The following KCNH6 variants were observed in gnomAD, a reference collection of about 807,000 sequenced individuals.
The protein encoded by KCNH6 is voltage-gated inwardly rectifying potassium channel KCNH6.
Under a neutral mutation model 83.4 loss-of-function variants are expected in KCNH6, and 81 were observed. That is an observed-to-expected ratio of 0.97 (90% CI 0.81 to 1.17). The LOEUF (loss-of-function observed/expected upper bound fraction) is 1.17. Ranked by LOEUF, KCNH6 falls within the 50% of genes most tolerant of loss-of-function variation. KCNH6 has a pLI of 0.00. For missense variants in KCNH6, 1,203 were observed against 1,290.5 expected (o/e 0.93, Z 1.04); for synonymous variants, 503 against 545.6 (o/e 0.92, Z 1.09).
chr17:63,535,813 G>A lies in KCNH6; in HGVS notation c.1246G>A (p.Ala416Thr), dbSNP rs777585947. 1 of 1,614,226 alleles carries A rather than the reference G, an allele frequency of 6.2e-7. No homozygotes were observed. The highest frequency in any genetic ancestry group is 8.5e-7 in the Non-Finnish European group (1 of 1,180,052). The change falls in exon 6 of 13, where the codon GCC (alanine) becomes ACC (threonine). Residue 416 changes from alanine (A) to threonine (T), a missense_variant. By Grantham distance (58) the Ala-to-Thr change is moderately conservative. Transcript: ENST00000314672. The surrounding 1 kb of genome is among the most constrained non-coding windows in gnomAD (Gnocchi z 4.9). The stretch of plus-strand genomic sequence containing the variant: ...CTTCGCGCTCATAGCGCACTGGCTG[G>A]CCTGCATCTGGTACGCCATCGGCAA... ...CTFALIAHWL[A>T]CIWYAIGNVE...
intron 2 of KCNH6, among the ~76,000 whole-genome samples, chr17:63,528,876 C>A (rs1351676604): frequency 6.7e-6 from 1 of 148,696 alleles, no homozygotes; most frequent in Non-Finnish European, 1.5e-5. Flanking sequence ...GCTCTGTCAC[C>A]CAGGCTGGAG....
At position 63,535,570 on chromosome 17, in the gene KCNH6, A is replaced by G; in HGVS notation, c.1102-99A>G. ...GAAGTTCTCCATAAATGTTTGTTGA[A>G]TGAGTATGTGGTTGTATGCATGAGT... is the stretch of plus-strand genomic sequence containing the variant. On this transcript the variant is annotated intron_variant, in intron 5 of 12. Transcript: ENST00000314672. The surrounding 1 kb of genome is among the most constrained non-coding windows in gnomAD (Gnocchi z 4.9). 8.8e-7 allele frequency: 1 copy of G among 1,141,758 alleles called. No individual in the cohort carries two copies. Among genetic ancestry groups the G allele is most frequent in the Non-Finnish European group, 1.2e-6 (1 of 802,330 alleles). 70.7% of individuals were successfully genotyped at this position (1,141,758 alleles called of 1,614,324 possible). A position where few individuals can be genotyped will look rare whatever the true frequency, so the allele number is the denominator to read the frequency against.
rs769507112 is a variant in KCNH6, at chr17:63,533,836, C to T, written c.676-50C>T. The T allele has an allele frequency of 1.3e-6, 2 of 1,562,900 alleles. No individual in the cohort carries two copies. On this transcript the variant is annotated intron_variant, in intron 4 of 12. Coordinates refer to ENST00000314672, the MANE Select transcript of KCNH6 (RefSeq NM_001278919.2). The surrounding 1 kb of genome is among the most constrained non-coding windows in gnomAD (Gnocchi z 4.1). Reference sequence around the variant, plus strand: ...AGGCCTCAGCCCTCTAGGCCAGTCTCACCAGCAGTGGCTGCCCCGTGCCTG... The same window carrying T: ...AGGCCTCAGCCCTCTAGGCCAGTCTTACCAGCAGTGGCTGCCCCGTGCCTG...
chr17:63,530,664 T>A, intron 4 of KCNH6, 122 bp downstream of exon 4: 1 of 850,878 alleles, frequency 1.2e-6, no homozygotes, highest in Non-Finnish European at 1.8e-6. Context: ...GTCCAGCCTC[T>A]AATATCTGGT....
intron 10 of KCNH6, 83 bp from the exon 11 acceptor site, chr17:63,544,166 G>C: frequency 6.9e-6 from 11 of 1,603,572 alleles, no homozygotes; most frequent in Non-Finnish European, 9.4e-6. Context: ...GGCAGGTAGG[G>C]GGTGGGGGAC....
rs117657537 is a variant in KCNH6 at position 63,528,634 on chromosome 17, G to A, written c.308-1457G>A. Among the ~76,000 whole-genome samples the A allele has an allele frequency of 8.8e-3, 1,339 of 152,264 alleles. 10 individuals carry two copies. Among genetic ancestry groups the A allele is most frequent in the Admixed American group, 0.021 (320 of 15,300 alleles). Reference sequence around the variant, plus strand: ...AGTCAACAAACAACACCTGGGACAGGTGAAACAGAGCCTAACCTGCCCTCA... The same window carrying A: ...AGTCAACAAACAACACCTGGGACAGATGAAACAGAGCCTAACCTGCCCTCA... On this transcript the variant is annotated intron_variant, in intron 2 of 12. Coordinates refer to ENST00000314672, the MANE Select transcript of KCNH6 (RefSeq NM_001278919.2).
chr17:63,544,427 T>A lies in KCNH6; in HGVS notation c.2396+16T>A. 5 of 1,526,986 alleles carry A rather than the reference T, an allele frequency of 3.3e-6. No homozygotes were observed. Among genetic ancestry groups the A allele is most frequent in the African/African-American group, 1.4e-5 (1 of 72,134 alleles). The allele number at this position is 1,526,986 out of a possible 1,614,324, so 94.6% of individuals were successfully genotyped here. A position where few individuals can be genotyped will look rare whatever the true frequency, so the allele number is the denominator to read the frequency against. ...AGATGAACAGGTGTGTGTGCTGTGG[T>A]CAGGGCTGGGGGCTGGTCATGGGTA... is the stretch of plus-strand genomic sequence containing the variant. On this transcript the variant is annotated intron_variant, in intron 11 of 12. Transcript: ENST00000314672.
chr17:63,530,538 C>T lies in KCNH6; in HGVS notation c.671C>T (p.Thr224Ile), dbSNP rs1227722329. Residue 224 changes from threonine to isoleucine, a missense_variant, in exon 4 of 13, where the codon ACC becomes ATC. Thr to Ile is a moderately conservative substitution (Grantham distance 89). Transcript: ENST00000314672. ...ERTQNVTEKV[T>I]QVLSLGADVL... ...ACACAGAACGTCACTGAGAAGGTCACCCAGGTGCGGGCCTGCAGAGCAGGG... is the reference window on the plus strand; with the variant it reads ...ACACAGAACGTCACTGAGAAGGTCATCCAGGTGCGGGCCTGCAGAGCAGGG... 3 of 1,613,830 alleles carry T rather than the reference C, an allele frequency of 1.9e-6. No individual in the cohort carries two copies. The highest frequency in any genetic ancestry group is 2.7e-5 in the African/African-American group (2 of 74,948).
At chr17:63,532,388 G>A (rs1400859861) in intron 4 of KCNH6, among the ~76,000 whole-genome samples, 1 of 152,210 alleles carries the variant, frequency 6.6e-6, no homozygotes, top group Non-Finnish European at 1.5e-5. Flanking sequence ...AGCCCATGTG[G>A]ACCAAGAGCT....
rs1441518946 is a variant in KCNH6 at position 63,538,254 on chromosome 17, A to T, written c.1691A>T (p.Asp564Val). Reference sequence around the variant, plus strand: ...GCCTGGTCCTACACCAATGGCATTGACATGAACGCGGTGAGCCCCGCCGCT... The same window carrying T: ...GCCTGGTCCTACACCAATGGCATTGTCATGAACGCGGTGAGCCCCGCCGCT... ...QHAWSYTNGIDMNAVLKGFPE... is the reference protein window; with the variant it reads ...QHAWSYTNGIVMNAVLKGFPE... Residue 564 changes from aspartate to valine, a missense_variant, in exon 7 of 13, where the codon GAC becomes GTC. Transcript: ENST00000314672. This position sits in a 1 kb window ranked among gnomAD's most constrained non-coding sequence, Gnocchi z 4.0. 6.2e-7 allele frequency: 1 copy of T among 1,614,018 alleles called. No homozygotes were observed. Among genetic ancestry groups the T allele is most frequent in the Non-Finnish European group, 8.5e-7 (1 of 1,179,974 alleles).
chr17:63,534,295 G>T lies in KCNH6; in HGVS notation c.1085G>T (p.Arg362Leu), dbSNP rs368897601. Reference sequence around the variant, plus strand: ...ATCCCTTTCGACCTCCTGATCTTCCGCACTGGCTCCGATGAGGTGAGCAGA... The same window carrying T: ...ATCCCTTTCGACCTCCTGATCTTCCTCACTGGCTCCGATGAGGTGAGCAGA... ...AAIPFDLLIF[R>L]TGSDETTTLI... Residue 362 changes from arginine (R) to leucine (L), a missense_variant, in exon 5 of 13, where the codon CGC becomes CTC. By Grantham distance (102) the Arg-to-Leu change is moderately radical. Coordinates refer to ENST00000314672, the MANE Select transcript of KCNH6 (RefSeq NM_001278919.2). The surrounding 1 kb of genome is among the most constrained non-coding windows in gnomAD (Gnocchi z 5.0). 1 of 1,612,838 alleles carries T rather than the reference G, an allele frequency of 6.2e-7. No individual in the cohort carries two copies. Among genetic ancestry groups the T allele is most frequent in the South Asian group, 1.1e-5 (1 of 90,942 alleles).
intron 8 of KCNH6, among the ~76,000 whole-genome samples, chr17:63,539,800 GT>G (rs2032754994): frequency 6.6e-6 from 1 of 152,106 alleles, no homozygotes; most frequent in Non-Finnish European, 1.5e-5. Flanking sequence ...CCTGCGTCTG[GT>G]TTACTCCCAT....
In KCNH6 at chr17:63,523,608, GA is replaced by G. The variant is rs1411991411; in HGVS notation, c.76+124del. On this transcript the variant is annotated intron_variant, in intron 1 of 12. Transcript: ENST00000314672. This position sits in a 1 kb window ranked among gnomAD's most constrained non-coding sequence, Gnocchi z 4.2. ...AGGTGGTGAGTGCCGGGTGCTGAAT[GA>G]AAAATCCTTCTTTTGATGTCCCCAA... The G allele has an allele frequency of 2.4e-6, 2 of 842,556 alleles. No homozygotes were observed. The highest frequency in any genetic ancestry group is 3.6e-6 in the Non-Finnish European group (2 of 562,954). The allele number at this position is 842,556 out of a possible 1,614,324, so 52.2% of individuals were successfully genotyped here. A position where few individuals can be genotyped will look rare whatever the true frequency, so the allele number is the denominator to read the frequency against.
chr17:63,529,270 A>G (rs542019119), intron 2 of KCNH6, among the ~76,000 whole-genome samples: 16 of 152,294 alleles, frequency 1.1e-4, no homozygotes, highest in African/African-American at 3.8e-4. Flanking sequence ...GATAATGGGG[A>G]AGGTGGCCAG....
Position 63,535,232 on chromosome 17 carries a change from T to C in KCNH6, c.1102-437T>C, listed in dbSNP as rs1423299580. On this transcript the variant is annotated intron_variant, in intron 5 of 12. Transcript: ENST00000314672. The surrounding 1 kb of genome is among the most constrained non-coding windows in gnomAD (Gnocchi z 4.9). ...GCTCTCACTGCTCCTCCATCTCCCA[T>C]GTGCGCATCGGGCTGCAGTGCCACA... is the stretch of plus-strand genomic sequence containing the variant. 1.3e-5 allele frequency among the ~76,000 whole-genome samples: 2 copies of C among 152,180 alleles called. No homozygotes were observed. Among genetic ancestry groups the C allele is most frequent in the African/African-American group, 4.8e-5 (2 of 41,434 alleles).
chr17:63,529,599 G>C (rs1367019159), intron 2 of KCNH6, among the ~76,000 whole-genome samples: 1 of 152,192 alleles, frequency 6.6e-6, no homozygotes, highest in African/African-American at 2.4e-5. Flanking sequence ...GAGGCCAAAT[G>C]TTCCAACTGG....
rs779889843 is a variant in KCNH6, at chr17:63,533,873, C to T, written c.676-13C>T. ...CTGCCCCGTGCCTGACCTCCCTCGGCCCCCACCCCCAGGTCCTGTCCCTGG... is the reference window on the plus strand; with the variant it reads ...CTGCCCCGTGCCTGACCTCCCTCGGTCCCCACCCCCAGGTCCTGTCCCTGG... On this transcript the variant is annotated splice_polypyrimidine_tract_variant and intron_variant, in intron 4 of 12. Transcript: ENST00000314672. This position sits in a 1 kb window ranked among gnomAD's most constrained non-coding sequence, Gnocchi z 4.1. The T allele has an allele frequency of 2.2e-5, 36 of 1,606,496 alleles. No individual in the cohort carries two copies. Among genetic ancestry groups the T allele is most frequent in the Non-Finnish European group, 3.0e-5 (35 of 1,176,274 alleles).
chr17:63,545,541 C>T (rs2147742248), intron 12 of KCNH6, 68 bp from the exon 13 acceptor site: 1 of 1,516,402 alleles, frequency 6.6e-7, no homozygotes. Flanking sequence ...CTGATCCCAT[C>T]CCTGAAATCA....
chr17:63,547,353 T>C (rs914083924), downstream of KCNH6, among the ~76,000 whole-genome samples: 139 of 14,704 alleles, frequency 9.5e-3, 1 homozygote, highest in African/African-American at 0.034. Context: ...TAAGCCGTGA[T>C]TGCATCACTG....
Sources: allele counts gnomAD v4.1 joint callset (sites outside exome capture counted in the v4.1 genomes callset), GRCh38; gene constraint gnomAD v4.1.1; non-coding constraint Gnocchi (gnomAD v3.1); transcripts MANE v1.5; gene names NCBI Gene and HGNC (gene_info 2026-07-23, HGNC 2026-07-21).